CDC42SE2: variants seen among roughly 807,000 people sequenced by gnomAD.
CDC42SE2 encodes CDC42 small effector protein 2.
In CDC42SE2, 3 loss-of-function variants were observed where a neutral mutation model predicts 11.5. The ratio of observed to expected loss-of-function variants is 0.26; its 90% CI spans 0.12 to 0.67. The LOEUF is 0.67. Ranked by LOEUF, CDC42SE2 falls within the 30% of genes least tolerant of loss-of-function variation. CDC42SE2 has a pLI of 0.80. For missense variants in CDC42SE2, 82 were observed against 106.8 expected, an observed-to-expected ratio of 0.77 and a Z score of 1.02; for synonymous variants, 33 against 34.8, an observed-to-expected ratio of 0.95 and a Z score of 0.18.
At chr5:131,348,741 A>G (rs1758920849) in intron 2 of CDC42SE2, among the ~76,000 whole-genome samples, 1 of 147,012 alleles carries the variant, frequency 6.8e-6, no homozygotes, top group Admixed American at 6.6e-5. Flanking sequence ...ACTTCAAACT[A>G]TACTACAAGG....
At chr5:131,213,435 T>C in the CDC42SE2 span, among the ~76,000 whole-genome samples, 1 of 152,272 alleles carries the variant, frequency 6.6e-6, no homozygotes, top group South Asian at 2.1e-4. Flanking sequence ...TTTTTTTCTT[T>C]TTATTTTCTT....
At chr5:131,338,398 T>C (rs1010554393) in intron 2 of CDC42SE2, among the ~76,000 whole-genome samples, 1 of 152,192 alleles carries the variant, frequency 6.6e-6, no homozygotes, top group Non-Finnish European at 1.5e-5. Context: ...ACTAGAAATA[T>C]AATGGCCTGA....
At chr5:131,324,142 A>G (rs112390847) in intron 2 of CDC42SE2, among the ~76,000 whole-genome samples, 98 of 152,262 alleles carry the variant, frequency 6.4e-4, no homozygotes, top group African/African-American at 2.3e-3. Flanking sequence ...TTTTCTTCCA[A>G]GTATTTATTC....
chr5:131,387,151 A>G (rs577896490), intron 4 of CDC42SE2, among the ~76,000 whole-genome samples: 2 of 152,364 alleles, frequency 1.3e-5, no homozygotes, highest in East Asian at 3.9e-4. Context: ...TAATATGGTT[A>G]CTATAATAAA....
At chr5:131,365,644 C>T (rs1250388107) in intron 3 of CDC42SE2, among the ~76,000 whole-genome samples, 1 of 152,140 alleles carries the variant, frequency 6.6e-6, no homozygotes, top group South Asian at 2.1e-4. Context: ...ATAGTCATCT[C>T]AAAATGCTTA....
intron 2 of CDC42SE2, among the ~76,000 whole-genome samples, chr5:131,256,342 C>T (rs946855785): frequency 2.6e-5 from 4 of 152,152 alleles, no homozygotes; most frequent in Non-Finnish European, 5.9e-5. Context: ...GGAGTGGAAA[C>T]TCAGATACAC....
At position 131,346,593 on chromosome 5, in the gene CDC42SE2, A is replaced by G. The variant is rs188730930; in HGVS notation, c.-285-12616A>G. 3.5e-4 allele frequency among the ~76,000 whole-genome samples: 53 copies of G among 152,332 alleles called. No individual in the cohort carries two copies. In the East Asian group the frequency reaches 8.3e-3, roughly 24 times the overall value. The stretch of plus-strand genomic sequence containing the variant: ...CCGACTGTCAGCATTAGACAGATCA[A>G]TGAGACAGAAAGTTGACAAGGATAT... On this transcript the variant is annotated intron_variant, in intron 2 of 4. Coordinates refer to ENST00000505065, the MANE Select transcript of CDC42SE2 (RefSeq NM_001375635.1).
chr5:131,390,432 C>T (rs981650985), intron 4 of CDC42SE2, among the ~76,000 whole-genome samples: 1 of 152,016 alleles, frequency 6.6e-6, no homozygotes, highest in Admixed American at 6.5e-5. Context: ...TGCCTGTAAT[C>T]GCAGCACTTT....
rs146945177 is a variant in CDC42SE2 at position 131,256,284 on chromosome 5, T to A, written n.242+1055T>A. 1.8e-3 allele frequency among the ~76,000 whole-genome samples: 279 copies of A among 152,346 alleles called. 2 individuals are homozygous for A. The highest frequency in any genetic ancestry group is 6.6e-3 in the African/African-American group (275 of 41,586). ...ATCATAAACAAAAATCCCAGGCTTG[T>A]TTGCTAATGCCTGAGAATTGATGCC... On this transcript the variant is annotated intron_variant and non_coding_transcript_variant, in intron 2 of 3. Transcript: ENST00000502840.
intron 3 of CDC42SE2, among the ~76,000 whole-genome samples, chr5:131,368,209 C>T (rs969127699): frequency 2.2e-4 from 32 of 145,686 alleles, no homozygotes; most frequent in African/African-American, 6.7e-4. Flanking sequence ...GCCGAGATTG[C>T]GCCACTGCAC....
chr5:131,259,145 A>G (rs1413689772), upstream of CDC42SE2, among the ~76,000 whole-genome samples: 3 of 152,172 alleles, frequency 2.0e-5, no homozygotes, highest in African/African-American at 4.8e-5. Context: ...TTCATGTGCC[A>G]TATGTCTCAT....
the CDC42SE2 span, among the ~76,000 whole-genome samples, chr5:131,237,207 G>C: frequency 6.6e-6 from 1 of 152,072 alleles, no homozygotes; most frequent in South Asian, 2.1e-4. Context: ...TTTCTATTAA[G>C]AAAGTTCTTT....
chr5:131,344,203 A>G (rs1239704673), intron 2 of CDC42SE2, among the ~76,000 whole-genome samples: 3 of 152,152 alleles, frequency 2.0e-5, no homozygotes, highest in Non-Finnish European at 2.9e-5. Context: ...AGGGCGGGGC[A>G]TCGCCTCACC....
At chr5:131,311,316 T>C (rs1757907027) in intron 1 of CDC42SE2, among the ~76,000 whole-genome samples, 1 of 152,084 alleles carries the variant, frequency 6.6e-6, no homozygotes, top group African/African-American at 2.4e-5. Flanking sequence ...AGATCCGCTG[T>C]TAGTCTGATG....
intron 1 of CDC42SE2, among the ~76,000 whole-genome samples, chr5:131,288,442 T>A (rs141287249): frequency 6.6e-6 from 1 of 152,342 alleles, no homozygotes; most frequent in East Asian, 1.9e-4. Flanking sequence ...AGTTTCAGTA[T>A]GGTGAGTGTC....
At chr5:131,317,682 T>A (rs1449311025) in intron 2 of CDC42SE2, among the ~76,000 whole-genome samples, 2 of 152,046 alleles carry the variant, frequency 1.3e-5, no homozygotes, top group Non-Finnish European at 2.9e-5. Context: ...TTCTTTTAAA[T>A]CTTGTTATTA....
the CDC42SE2 span, among the ~76,000 whole-genome samples, chr5:131,218,722 A>G: frequency 1.3e-5 from 2 of 152,250 alleles, no homozygotes; most frequent in Non-Finnish European, 2.9e-5. Context: ...ATAATGTTAT[A>G]AATCAAGATA....
At position 131,393,698 on chromosome 5, in the gene CDC42SE2, T is replaced by TTGAC. The variant is rs1283937694; in HGVS notation, c.*2613_*2616dup. The TTGAC allele has an allele frequency of 6.6e-6, 1 of 152,162 alleles. No individual in the cohort carries two copies. The highest frequency in any genetic ancestry group is 1.5e-5 in the Non-Finnish European group (1 of 67,920). 9.4% of individuals were successfully genotyped at this position (152,162 alleles called of 1,614,324 possible). A position where few individuals can be genotyped will look rare whatever the true frequency, so the allele number is the denominator to read the frequency against. ...TCATGCTATTTAGTCTACTTCTATT[T>TTGAC]TGACTGACTCTTTAAATTAGTACAA... On this transcript the variant is annotated 3_prime_UTR_variant, in exon 5 of 5. Transcript: ENST00000505065.
At chr5:131,224,380 G>A in the CDC42SE2 span, among the ~76,000 whole-genome samples, 9 of 152,210 alleles carry the variant, frequency 5.9e-5, no homozygotes, top group South Asian at 1.5e-3. Flanking sequence ...AGCCTTCATG[G>A]TAACTGCATC....
Sources: allele counts gnomAD v4.1 joint callset (sites outside exome capture counted in the v4.1 genomes callset), GRCh38; gene constraint gnomAD v4.1.1; transcripts MANE v1.5; gene names NCBI Gene and HGNC (gene_info 2026-07-23, HGNC 2026-07-21).